The following ANKRD36C variants were observed in gnomAD, a reference collection of about 807,000 sequenced individuals.
The protein encoded by ANKRD36C is ankyrin repeat domain 36C, also known as ankyrin repeat domain-containing protein 36C.
A neutral mutation model predicts 276.4 loss-of-function variants in ANKRD36C; 61 were observed. That is an observed-to-expected ratio of 0.22 (90% CI 0.18 to 0.27). ANKRD36C has a LOEUF of 0.27. Among genes scored for constraint, ANKRD36C ranks in the 10% least tolerant of loss-of-function variants. ANKRD36C has a pLI of 1.00. For synonymous variants in ANKRD36C, 483 were observed against 680.1 expected (o/e 0.71, Z 4.51); for missense variants, 1,447 against 2,032.3 (o/e 0.71, Z 5.54).
chr2:95,976,551 C>T (rs995764322), intron 6 of ANKRD36C, among the ~76,000 whole-genome samples: 2 of 152,170 alleles, frequency 1.3e-5, no homozygotes, highest in Non-Finnish European at 2.9e-5. Context: ...GTTTTTCTCA[C>T]ACATTACCCT....
intron 24 of ANKRD36C, among the ~76,000 whole-genome samples, 191 bp downstream of exon 24, chr2:95,935,263 C>T (rs1677684408): frequency 1.3e-5 from 2 of 152,100 alleles, no homozygotes; most frequent in Non-Finnish European, 2.9e-5. Context: ...CTAGAGCTCA[C>T]ATTTTTAAAA....
At chr2:95,850,024 TTATC>T (rs1388559933), downstream of ANKRD36C, among the ~76,000 whole-genome samples, 2 of 152,276 alleles carry the variant, frequency 1.3e-5, no homozygotes, top group African/African-American at 4.8e-5. Flanking sequence ...ATTATATTCT[TTATC>T]TAAATGATTT....
intron 6 of ANKRD36C, among the ~76,000 whole-genome samples, chr2:95,968,143 A>G (rs1432546102): frequency 1.2e-4 from 19 of 152,184 alleles, no homozygotes; most frequent in African/African-American, 4.3e-4. Flanking sequence ...CTTGTAGGAA[A>G]AAAAGTATAA....
chr2:95,959,370 C>T (rs548509231), intron 10 of ANKRD36C, among the ~76,000 whole-genome samples: 43 of 152,220 alleles, frequency 2.8e-4, no homozygotes, highest in African/African-American at 8.7e-4. Flanking sequence ...TTTCTCACAC[C>T]GCTGTGGAGT....
At chr2:95,854,192 A>G (rs1292546827) in intron 63 of ANKRD36C, among the ~76,000 whole-genome samples, 2 of 151,958 alleles carry the variant, frequency 1.3e-5, no homozygotes, top group Non-Finnish European at 2.9e-5. Context: ...TAAATTATAC[A>G]TTGTGGAATG....
chr2:95,893,158 T>C (rs1676425589), intron 44 of ANKRD36C, among the ~76,000 whole-genome samples: 1 of 151,396 alleles, frequency 6.6e-6, no homozygotes, highest in Non-Finnish European at 1.5e-5. Context: ...ATTACAAGTT[T>C]TCTGTCTGTT....
At chr2:95,891,335 A>G (rs1573743987) in intron 46 of ANKRD36C, among the ~76,000 whole-genome samples, 2 of 151,382 alleles carry the variant, frequency 1.3e-5, no homozygotes, top group Non-Finnish European at 1.5e-5. Context: ...TAAATTCTAT[A>G]CTTCCTCTCT....
In ANKRD36C at chr2:95,884,206, T is replaced by C. The variant is rs772008381; in HGVS notation, c.3232A>G (p.Arg1078Gly). 5.0e-6 allele frequency: 8 copies of C among 1,609,684 alleles called. No homozygotes were observed. The East Asian group carries it at 1.8e-4, about 36-fold the overall frequency. The change falls in exon 54 of 67, where the codon AGA (arginine) becomes GGA (glycine). Residue 1078 changes from arginine (R) to glycine (G), a missense_variant. Arg to Gly is a moderately radical substitution (Grantham distance 125, BLOSUM62 -2). Transcript: ENST00000456556. The stretch of plus-strand genomic sequence containing the variant: ...GATTTTTCTCCATCCTTTATTTCTC[T>C]GGCTATATTCGAAACAGAATCTTTC...
At chr2:95,868,898 G>A (rs1317204790) in intron 59 of ANKRD36C, among the ~76,000 whole-genome samples, 3 of 152,264 alleles carry the variant, frequency 2.0e-5, no homozygotes, top group African/African-American at 7.2e-5. Flanking sequence ...AATTTTAAAG[G>A]TTTTTTTTAC....
chr2:95,853,530 A>G, intron 64 of ANKRD36C, 179 bp downstream of exon 84: 1 of 501,936 alleles, frequency 2.0e-6, no homozygotes, highest in East Asian at 3.7e-5. Flanking sequence ...ATAAAATCTT[A>G]ATAAAATTAA....
intron 56 of ANKRD36C, 117 bp downstream of exon 76, chr2:95,882,185 C>G (rs1676099015): frequency 1.1e-6 from 1 of 932,648 alleles, no homozygotes; most frequent in East Asian, 2.6e-5. Flanking sequence ...TGCACAATCT[C>G]AGGCCTGCTG....
chr2:95,857,230 A>G (rs1675434545), intron 62 of ANKRD36C, 79 bp downstream of exon 82: 2 of 1,534,378 alleles, frequency 1.3e-6, no homozygotes, highest in Non-Finnish European at 1.7e-6. Context: ...GGCCTAAATA[A>G]TGTACATTAA....
intron 48 of ANKRD36C, 74 bp downstream of exon 68, chr2:95,889,725 G>A (rs550709915): frequency 4.5e-5 from 68 of 1,507,756 alleles, no homozygotes; most frequent in African/African-American, 3.7e-4. Flanking sequence ...CGAACCCCCC[G>A]CTGCTTTATT....
chr2:95,895,510 T>C (rs1031999665), intron 44 of ANKRD36C, 39 bp from the exon 62 acceptor site: 86 of 1,426,388 alleles, frequency 6.0e-5, no homozygotes, highest in Non-Finnish European at 7.4e-5. Context: ...ATAAGGTATG[T>C]TTCATAGGCT....
intron 59 of ANKRD36C, among the ~76,000 whole-genome samples, chr2:95,869,890 C>T (rs1315209089): frequency 1.3e-5 from 2 of 152,220 alleles, no homozygotes; most frequent in African/African-American, 4.8e-5. Context: ...GGTCCTACGC[C>T]CATGGAGTCT....
chr2:95,883,449 A>G (rs1315343569), intron 54 of ANKRD36C, among the ~76,000 whole-genome samples: 1 of 152,138 alleles, frequency 6.6e-6, no homozygotes, highest in African/African-American at 2.4e-5. Flanking sequence ...CAATATATGT[A>G]TATTCATGTT....
chr2:95,969,821 T>G (rs897259657), intron 6 of ANKRD36C, among the ~76,000 whole-genome samples: 1 of 152,142 alleles, frequency 6.6e-6, no homozygotes, highest in African/African-American at 2.4e-5. Flanking sequence ...TCACATAACT[T>G]TTATTACAGT....
intron 61 of ANKRD36C, among the ~76,000 whole-genome samples, chr2:95,858,027 T>C (rs932092095): frequency 1.3e-5 from 2 of 152,064 alleles, no homozygotes; most frequent in African/African-American, 2.4e-5. Flanking sequence ...AGAAAATGTT[T>C]AAATTTACCT....
chr2:95,868,403 G>A (rs1675726991), intron 59 of ANKRD36C, among the ~76,000 whole-genome samples: 1 of 151,858 alleles, frequency 6.6e-6, no homozygotes, highest in Admixed American at 6.6e-5. Context: ...TTTCCAATTA[G>A]CGGTGTTTTG....
Sources: gnomAD v4.1 joint callset for allele counts (sites outside exome capture counted in the v4.1 genomes callset) on GRCh38, gnomAD v4.1.1 for gene constraint, MANE v1.5 for transcripts, NCBI Gene and HGNC (gene_info 2026-07-23, HGNC 2026-07-21) for gene names.